Variants in PRMT8 observed in about 807,000 individuals in gnomAD.
The protein encoded by PRMT8 is protein arginine methyltransferase 8.
PRMT8 carries 7 observed loss-of-function variants against 47.1 expected under a neutral mutation model. The observed-to-expected ratio is 0.15, with a 90% CI of 0.08 to 0.28. The LOEUF (loss-of-function observed/expected upper bound fraction) is 0.28. Ranked by LOEUF, PRMT8 falls within the 10% of genes least tolerant of loss-of-function variation. The pLI, the probability that PRMT8 is intolerant of heterozygous loss-of-function variation, is 1.00. For synonymous variants in PRMT8, 188 were observed against 186.5 expected (o/e 1.01, Z -0.07); for missense variants, 237 against 505.4 (o/e 0.47, Z 5.09).
chr12:3,457,930 C>T (rs1864994251), intron 1 of PRMT8, among the ~76,000 whole-genome samples: 1 of 150,330 alleles, frequency 6.7e-6, no homozygotes, highest in African/African-American at 2.5e-5. Flanking sequence ...GCAACCTCCA[C>T]CTCCCGGGTT....
At chr12:3,512,508 C>T (rs1865728375) in intron 1 of PRMT8, among the ~76,000 whole-genome samples, 1 of 152,188 alleles carries the variant, frequency 6.6e-6, no homozygotes, top group African/African-American at 2.4e-5. Context: ...GAGGGCACTG[C>T]CATTCTCCCC....
intron 1 of PRMT8, among the ~76,000 whole-genome samples, chr12:3,462,279 A>G (rs1026220446): frequency 2.0e-5 from 3 of 152,064 alleles, no homozygotes; most frequent in African/African-American, 4.8e-5. Flanking sequence ...TAGCAAAGAC[A>G]TGGAATCAAC....
chr12:3,558,085 C>A (rs1021438681), intron 4 of PRMT8, among the ~76,000 whole-genome samples: 9 of 152,228 alleles, frequency 5.9e-5, no homozygotes, highest in African/African-American at 2.2e-4. Context: ...GGGGCTACTG[C>A]CCTGCAGCCA....
At chr12:3,447,070 G>A (rs1444025654) in intron 1 of PRMT8, among the ~76,000 whole-genome samples, 1 of 152,132 alleles carries the variant, frequency 6.6e-6, no homozygotes, top group Non-Finnish European at 1.5e-5. Context: ...CCAGGGACCT[G>A]TTCACCCACA....
chr12:3,449,666 C>A (rs552325304), intron 1 of PRMT8, among the ~76,000 whole-genome samples: 185 of 152,136 alleles, frequency 1.2e-3, no homozygotes, highest in African/African-American at 4.4e-3. Context: ...CAAACTTTTT[C>A]TCCCATTCTT....
At position 3,538,823 on chromosome 12, in the gene PRMT8, G is replaced by A; in HGVS notation, c.76-1783G>A. 2.0e-6 allele frequency: 1 copy of A among 495,652 alleles called. No homozygotes were observed. Among genetic ancestry groups the A allele is most frequent in the Non-Finnish European group, 4.1e-6 (1 of 245,134 alleles). 30.7% of individuals were successfully genotyped at this position (495,652 alleles called of 1,614,324 possible). A position where few individuals can be genotyped will look rare whatever the true frequency, so the allele number is the denominator to read the frequency against. ...GGCACACCTGCTGCATTCTAATGAG[G>A]CAGCCCCACTCGCCTTTGCCAGCCC... On this transcript the variant is annotated intron_variant, in intron 1 of 9. Coordinates refer to ENST00000382622, the MANE Select transcript of PRMT8 (RefSeq NM_019854.5). The surrounding 1 kb of genome is among the most constrained non-coding windows in gnomAD (Gnocchi z 4.6).
intron 1 of PRMT8, among the ~76,000 whole-genome samples, chr12:3,423,198 G>T (rs1355134298): frequency 2.0e-5 from 3 of 152,146 alleles, no homozygotes; most frequent in African/African-American, 7.2e-5. Context: ...ACTTGCCCTG[G>T]ATCATCTATG....
chr12:3,392,458 G>A (rs1432764917), intron 1 of PRMT8, among the ~76,000 whole-genome samples: 6 of 148,246 alleles, frequency 4.0e-5, no homozygotes, highest in South Asian at 2.2e-4. Context: ...GAGAATATGC[G>A]GTGTTTGGTT....
intron 1 of PRMT8, among the ~76,000 whole-genome samples, chr12:3,497,923 T>C (rs187441308): frequency 2.6e-5 from 4 of 152,342 alleles, no homozygotes; most frequent in African/African-American, 7.2e-5. Context: ...AGCTCTTCCG[T>C]GTTGGGGTCA....
chr12:3,549,882 A>G, intron 2 of PRMT8, 54 bp from the exon 3 acceptor site: 2 of 1,597,284 alleles, frequency 1.3e-6, no homozygotes, highest in South Asian at 1.1e-5. Context: ...GCCATGGTGT[A>G]CACCCAGGTG....
chr12:3,587,804 G>A (rs140837538), intron 8 of PRMT8, among the ~76,000 whole-genome samples: 258 of 152,310 alleles, frequency 1.7e-3, no homozygotes, highest in Non-Finnish European at 3.0e-3. Flanking sequence ...GTGGTAGCGC[G>A]CTCTGCGGGC....
Position 3,416,652 on chromosome 12 carries a change from G to A in PRMT8, c.48+35210G>A, listed in dbSNP as rs186759992. ...AGCTCTTTACAGGAGCCTGTTAAAGGCTTTCTGCTGACTGCTTTTCCTCCC... is the reference window on the plus strand; with the variant it reads ...AGCTCTTTACAGGAGCCTGTTAAAGACTTTCTGCTGACTGCTTTTCCTCCC... On this transcript the variant is annotated intron_variant, in intron 1 of 9. Coordinates refer to the PRMT8 transcript ENST00000452611. Among the ~76,000 whole-genome samples, 824 of 152,314 alleles carry A rather than the reference G, an allele frequency of 5.4e-3. 4 individuals are homozygous for A. Among genetic ancestry groups the A allele is most frequent in the Non-Finnish European group, 8.9e-3 (607 of 68,026 alleles).
intron 1 of PRMT8, among the ~76,000 whole-genome samples, chr12:3,496,214 A>ATATATATATATATATATAT: frequency 3.6e-5 from 1 of 27,774 alleles, no homozygotes; most frequent in Non-Finnish European, 7.9e-5. Flanking sequence ...ATATATATAT[A>ATATATATATATATATATAT]TTTTTTTTTT....
intron 1 of PRMT8, among the ~76,000 whole-genome samples, chr12:3,484,447 T>C (rs1865303514): frequency 6.6e-6 from 1 of 152,256 alleles, no homozygotes; most frequent in Non-Finnish European, 1.5e-5. Context: ...GCTGTCATGC[T>C]CTTTCTCCTT....
intron 7 of PRMT8, among the ~76,000 whole-genome samples, chr12:3,578,494 A>G (rs1866991778): frequency 6.6e-6 from 1 of 151,974 alleles, no homozygotes; most frequent in South Asian, 2.1e-4. Context: ...AAGTGCTGGG[A>G]TGACAGACAT....
intron 3 of PRMT8, chr12:3,551,075 G>GGCC (rs1555092727): frequency 8.3e-6 from 1 of 120,696 alleles, no homozygotes; most frequent in African/African-American, 3.0e-5. Context: ...CAGCCCTGGG[G>GGCC]ACCCCCCCCC....
chr12:3,451,983 A>G (rs1864923637), intron 1 of PRMT8, among the ~76,000 whole-genome samples: 1 of 152,208 alleles, frequency 6.6e-6, no homozygotes, highest in African/African-American at 2.4e-5. Flanking sequence ...GTCAAAAACT[A>G]TTAGTGACTG....
At chr12:3,588,973 C>T (rs926975025) in intron 8 of PRMT8, among the ~76,000 whole-genome samples, 1 of 152,148 alleles carries the variant, frequency 6.6e-6, no homozygotes, top group Admixed American at 6.5e-5. Flanking sequence ...CCCTTGTGCA[C>T]GGTGACATTC....
intron 1 of PRMT8, among the ~76,000 whole-genome samples, chr12:3,389,297 TGACA>T (rs577571338): frequency 2.6e-3 from 400 of 152,286 alleles, no homozygotes; most frequent in Non-Finnish European, 4.7e-3. Flanking sequence ...TCAACGCTGG[TGACA>T]GACAGATCTG....
Sources: gnomAD v4.1 joint callset for allele counts (sites outside exome capture counted in the v4.1 genomes callset) on GRCh38, gnomAD v4.1.1 for gene constraint, Gnocchi (gnomAD v3.1) non-coding constraint, MANE v1.5 for transcripts, NCBI Gene and HGNC (gene_info 2026-07-23, HGNC 2026-07-21) for gene names.